The following NAV2 variants were observed in gnomAD, a reference collection of about 807,000 sequenced individuals.
The protein encoded by NAV2 is helicase, APC down-regulated 1.
A neutral mutation model predicts 223.2 loss-of-function variants in NAV2; 54 were observed. The observed-to-expected ratio is 0.24, with a 90% CI of 0.19 to 0.30. The LOEUF (loss-of-function observed/expected upper bound fraction) is 0.30. Among genes scored for constraint, NAV2 ranks in the 10% least tolerant of loss-of-function variants. The pLI, the probability that NAV2 is intolerant of heterozygous loss-of-function variation, is 1.00. For missense variants in NAV2, 2,806 were observed against 3,147.5 expected (o/e 0.89, Z 2.60); for synonymous variants, 1,279 against 1,239.3 (o/e 1.03, Z -0.67).
intron 31 of NAV2, among the ~76,000 whole-genome samples, chr11:20,100,046 T>C (rs1470251): frequency 0.68 from 103,353 of 151,984 alleles, 36,245 homozygotes; most frequent in Middle Eastern, 0.84. Flanking sequence ...TAGCAGTGAC[T>C]GAGTACGTAG....
intron 22 of NAV2, among the ~76,000 whole-genome samples, chr11:20,072,944 T>C (rs1000821208): frequency 6.6e-6 from 1 of 152,198 alleles, no homozygotes; most frequent in Non-Finnish European, 1.5e-5. Context: ...TCTTGCTTGA[T>C]TGCCCTGGCC....
chr11:19,360,786 G>T (rs1262601644), intron 1 of NAV2, among the ~76,000 whole-genome samples: 1 of 152,192 alleles, frequency 6.6e-6, no homozygotes, highest in Non-Finnish European at 1.5e-5. Context: ...ATGGTCAGGG[G>T]AGTGATGGAA....
intron 24 of NAV2, 110 bp downstream of exon 24, chr11:20,078,214 C>T: frequency 1.2e-6 from 1 of 805,378 alleles, no homozygotes; most frequent in Non-Finnish European, 2.0e-6. Flanking sequence ...CTGCGTAATT[C>T]AGCTCCATGT....
chr11:19,874,006 A>C (rs1402342356), intron 4 of NAV2, among the ~76,000 whole-genome samples: 1 of 152,208 alleles, frequency 6.6e-6, no homozygotes, highest in Non-Finnish European at 1.5e-5. Context: ...GGAGTTCTGC[A>C]GCTCTGTGGT....
chr11:19,529,022 C>A (rs1387910267), intron 1 of NAV2, among the ~76,000 whole-genome samples: 3 of 151,762 alleles, frequency 2.0e-5, no homozygotes, highest in African/African-American at 7.3e-5. Flanking sequence ...ACATCCAGCA[C>A]CATTATTTTA....
intron 1 of NAV2, among the ~76,000 whole-genome samples, chr11:19,803,110 C>T (rs1017935154): frequency 2.0e-5 from 3 of 152,152 alleles, no homozygotes; most frequent in African/African-American, 7.2e-5. Flanking sequence ...CAGTGGTTTG[C>T]TGTGGGAGGA....
At chr11:19,448,521 A>G (rs1851671508) in intron 1 of NAV2, among the ~76,000 whole-genome samples, 1 of 152,188 alleles carries the variant, frequency 6.6e-6, no homozygotes, top group Non-Finnish European at 1.5e-5. Flanking sequence ...TCCCAATCCC[A>G]AGTTCATCTT....
chr11:19,521,985 G>C (rs1565012005), intron 1 of NAV2, among the ~76,000 whole-genome samples: 1 of 152,186 alleles, frequency 6.6e-6, no homozygotes, highest in African/African-American at 2.4e-5. Context: ...GATGGGTTTG[G>C]ATCCAGCTCA....
intron 1 of NAV2, among the ~76,000 whole-genome samples, chr11:19,528,350 G>A (rs923396979): frequency 6.6e-6 from 1 of 152,116 alleles, no homozygotes; most frequent in Admixed American, 6.5e-5. Context: ...AATTTTTAGT[G>A]AGAAGGAGCA....
At chr11:19,452,107 A>AGTGTGTGTGTGTGT (rs60628637) in intron 1 of NAV2, among the ~76,000 whole-genome samples, 1 of 146,654 alleles carries the variant, frequency 6.8e-6, no homozygotes, top group Non-Finnish European at 1.5e-5. Flanking sequence ...AGGTTACAAA[A>AGTGTGTGTGTGTGT]GTGTGTGTGT....
At chr11:19,892,710 A>G in intron 6 of NAV2, 116 bp downstream of exon 6, 2 of 1,104,062 alleles carry the variant, frequency 1.8e-6, no homozygotes, top group Non-Finnish European at 2.5e-6. Flanking sequence ...GTTGAGAATG[A>G]GTTACAAGGA....
chr11:19,900,046 A>T (rs1342895967), intron 6 of NAV2, among the ~76,000 whole-genome samples: 1 of 152,038 alleles, frequency 6.6e-6, no homozygotes, highest in African/African-American at 2.4e-5. Context: ...TTTTTTGGGA[A>T]TCAGCTGTGA....
intron 1 of NAV2, among the ~76,000 whole-genome samples, chr11:19,410,481 A>T (rs905663052): frequency 6.6e-6 from 1 of 152,218 alleles, no homozygotes; most frequent in Admixed American, 6.5e-5. Flanking sequence ...GGAGAGGCTA[A>T]CTACCTTATC....
In NAV2 at chr11:19,939,671, G is replaced by A; in HGVS notation, c.2044G>A (p.Asp682Asn). 6.2e-7 allele frequency: 1 copy of A among 1,614,074 alleles called. No homozygotes were observed. The highest frequency in any genetic ancestry group is 8.5e-7 in the Non-Finnish European group (1 of 1,179,956). The change falls in exon 8 of 38, where the codon GAC (aspartate) becomes AAC (asparagine). Residue 682 changes from aspartate (D) to asparagine (N), a missense_variant. Transcript: ENST00000349880. ...GGTTTGTGTGTGAAGGTCTCAGACG[G>A]ACACTGAAGGGAATGTTACTGCCGA... is the stretch of plus-strand genomic sequence containing the variant. ...VAPFLYRSQT[D>N]TEGNVTAESS...
chr11:19,716,325 A>G (rs2050309840), intron 1 of NAV2, among the ~76,000 whole-genome samples: 1 of 152,170 alleles, frequency 6.6e-6, no homozygotes, highest in African/African-American at 2.4e-5. Flanking sequence ...TAGCTAGGTG[A>G]CCACCTTGAT....
chr11:19,365,099 A>C (rs1429730983), intron 1 of NAV2, among the ~76,000 whole-genome samples: 1 of 152,214 alleles, frequency 6.6e-6, no homozygotes, highest in Admixed American at 6.5e-5. Context: ...TTTCACAGAT[A>C]TGGATGATAG....
chr11:19,634,195 C>T (rs2047426616), intron 1 of NAV2, among the ~76,000 whole-genome samples: 2 of 152,180 alleles, frequency 1.3e-5, no homozygotes, highest in Non-Finnish European at 2.9e-5. Context: ...ACACTGCTCT[C>T]ATACCCCCAT....
At chr11:19,714,416 C>T (rs1303534511) in intron 1 of NAV2, 2 of 460,046 alleles carry the variant, frequency 4.3e-6, no homozygotes, top group African/African-American at 2.0e-5. Flanking sequence ...CCTAGCCTGG[C>T]TGTAAGATCC....
chr11:19,494,410 C>A (rs181564202), intron 1 of NAV2, among the ~76,000 whole-genome samples: 12 of 152,332 alleles, frequency 7.9e-5, no homozygotes, highest in Admixed American at 7.8e-4. Flanking sequence ...GTATTTACTA[C>A]ACACTAATGA....
Sources: gnomAD v4.1 joint callset for allele counts (sites outside exome capture counted in the v4.1 genomes callset) on GRCh38, gnomAD v4.1.1 for gene constraint, MANE v1.5 for transcripts, NCBI Gene and HGNC (gene_info 2026-07-23, HGNC 2026-07-21) for gene names.